Variants in PCDHGB3 observed in about 807,000 individuals in gnomAD.
PCDHGB3 encodes the protein protocadherin gamma-B3.
In PCDHGB3, 40 loss-of-function variants were observed where a neutral mutation model predicts 59.2. The observed-to-expected ratio is 0.68, with a 90% CI of 0.52 to 0.88. The LOEUF (loss-of-function observed/expected upper bound fraction) is 0.88, where lower values mean the gene tolerates loss of function less well. Among genes scored for constraint, PCDHGB3 ranks in the 40% least tolerant of loss-of-function variants. The pLI is 0.00. For missense variants in PCDHGB3, 1,309 were observed against 1,187.9 expected, an observed-to-expected ratio of 1.10 and a Z score of -1.50; for synonymous variants, 581 against 503.6, an observed-to-expected ratio of 1.15 and a Z score of -2.06.
At chr5:141,394,109 G>A (rs764779834) in intron 1 of PCDHGB3, 3 of 1,613,898 alleles carry the variant, frequency 1.9e-6, no homozygotes, top group East Asian at 4.5e-5. Flanking sequence ...CACCACCTCT[G>A]TCCACTGAAA....
At position 141,421,139 on chromosome 5, in the gene PCDHGB3, A is replaced by T. The variant is rs2096548615; in HGVS notation, c.2415+48330A>T. Reference sequence around the variant, plus strand: ...TCCTTCGCTTTCTGATATATTTTGGATGTAGTCGGCCTAGGACTTCATAGA... The same window carrying T: ...TCCTTCGCTTTCTGATATATTTTGGTTGTAGTCGGCCTAGGACTTCATAGA... On this transcript the variant is annotated intron_variant, in intron 1 of 3. Transcript: ENST00000576222. 5 of 913,574 alleles carry T rather than the reference A, an allele frequency of 5.5e-6. No individual in the cohort carries two copies. The South Asian group carries it at 8.8e-5, about 16-fold the overall frequency. 56.6% of individuals were successfully genotyped at this position (913,574 alleles called of 1,614,324 possible). A position where few individuals can be genotyped will look rare whatever the true frequency, so the allele number is the denominator to read the frequency against.
chr5:141,459,581 G>A (rs945690319), intron 1 of PCDHGB3, among the ~76,000 whole-genome samples: 1 of 152,138 alleles, frequency 6.6e-6, no homozygotes, highest in Non-Finnish European at 1.5e-5. Flanking sequence ...AATTGTTTTG[G>A]GGGTCATATG....
At chr5:141,475,218 A>G (rs2154572291) in intron 1 of PCDHGB3, among the ~76,000 whole-genome samples, 1 of 152,326 alleles carries the variant, frequency 6.6e-6, no homozygotes, top group African/African-American at 2.4e-5. Flanking sequence ...GGATTGATCA[A>G]GTAAAGGGAA....
intron 1 of PCDHGB3, chr5:141,412,049 T>C (rs2095532088): frequency 1.3e-5 from 2 of 152,256 alleles, no homozygotes; most frequent in Admixed American, 1.3e-4. Flanking sequence ...AGTGAACTTC[T>C]ATACCCTTTG....
At position 141,413,874 on chromosome 5, in the gene PCDHGB3, T is replaced by G. The variant is rs1371905896; in HGVS notation, c.2415+41065T>G. ...TCCGATCTGGCACTGTCCTTGTCAG[T>G]GTGACTGTCTTCGATGCAAATGACA... is the stretch of plus-strand genomic sequence containing the variant. On this transcript the variant is annotated intron_variant, in intron 1 of 3. Coordinates refer to ENST00000576222, the MANE Select transcript of PCDHGB3 (RefSeq NM_018924.5). 6 of 1,613,306 alleles carry G rather than the reference T, an allele frequency of 3.7e-6. No homozygotes were observed. In the African/African-American group the frequency reaches 8.0e-5, roughly 22 times the overall value.
chr5:141,373,773 T>C (rs1429903746), intron 1 of PCDHGB3: 1 of 264,200 alleles, frequency 3.8e-6, no homozygotes, highest in Non-Finnish European at 7.1e-6. Context: ...GTGTCATCTC[T>C]GCAGATTTAG....
At chr5:141,492,993 G>A (rs952802686) in intron 1 of PCDHGB3, among the ~76,000 whole-genome samples, 5 of 152,216 alleles carry the variant, frequency 3.3e-5, no homozygotes, top group African/African-American at 1.2e-4. Flanking sequence ...CTGGCAGATG[G>A]AAAGCTATAG....
intron 1 of PCDHGB3, among the ~76,000 whole-genome samples, chr5:141,430,064 A>T (rs1482609618): frequency 6.6e-6 from 1 of 152,190 alleles, no homozygotes; most frequent in Non-Finnish European, 1.5e-5. Flanking sequence ...TATCATTTTT[A>T]GGTTTCCATA....
chr5:141,384,557 T>C (rs2150262452), intron 1 of PCDHGB3: 2 of 1,614,252 alleles, frequency 1.2e-6, no homozygotes, highest in Middle Eastern at 3.3e-4. Flanking sequence ...CTGTTCGTGC[T>C]GGACCAGAAT....
rs763104309 is a variant in PCDHGB3, at chr5:141,432,042, G to A, written c.2415+59233G>A. 5 of 1,614,090 alleles carry A rather than the reference G, an allele frequency of 3.1e-6. No homozygotes were observed. The African/African-American group carries it at 6.7e-5, about 22-fold the overall frequency. ...ATCACAGTGACCGCCACTGACCGGG[G>A]AACCCCGCCCCTATCCACGGAAACT... On this transcript the variant is annotated intron_variant, in intron 1 of 3. Transcript: ENST00000576222. The surrounding 1 kb of genome is among the most constrained non-coding windows in gnomAD (Gnocchi z 6.0).
At chr5:141,381,029 T>C (rs976718384) in intron 1 of PCDHGB3, among the ~76,000 whole-genome samples, 4 of 152,266 alleles carry the variant, frequency 2.6e-5, no homozygotes, top group Admixed American at 6.5e-5. Context: ...TTAGTTCCTT[T>C]AAACAAAATT....
At chr5:141,430,935 T>G (rs748546768) in intron 1 of PCDHGB3, 1 of 1,607,814 alleles carries the variant, frequency 6.2e-7, no homozygotes. Context: ...CCCCGGGAGC[T>G]CGCGGAGCGC....
intron 1 of PCDHGB3, chr5:141,413,170 A>T (rs751830095): frequency 6.3e-7 from 1 of 1,595,602 alleles, no homozygotes; most frequent in South Asian, 1.1e-5. Context: ...CTGTAACCAG[A>T]CTACAATGGC....
intron 2 of PCDHGB3, among the ~76,000 whole-genome samples, chr5:141,501,290 T>TACACACACACACAC (rs55762287): frequency 7.3e-6 from 1 of 136,164 alleles, no homozygotes; most frequent in Non-Finnish European, 1.6e-5. Context: ...TATTCCCTTA[T>TACACACACACACAC]ACACACACAC....
chr5:141,465,251 A>T (rs1436627558), intron 1 of PCDHGB3, among the ~76,000 whole-genome samples: 1 of 152,214 alleles, frequency 6.6e-6, no homozygotes, highest in Non-Finnish European at 1.5e-5. Flanking sequence ...GCACTTTTGT[A>T]AGCAATGATA....
intron 1 of PCDHGB3, chr5:141,413,040 C>G: frequency 1.2e-6 from 1 of 840,546 alleles, no homozygotes; most frequent in Non-Finnish European, 1.8e-6. Flanking sequence ...GGCTGCTGGG[C>G]TGCAGGGAAG....
At chr5:141,510,627 G>C (rs2099881988) in intron 3 of PCDHGB3, among the ~76,000 whole-genome samples, 2 of 152,090 alleles carry the variant, frequency 1.3e-5, no homozygotes, top group South Asian at 2.1e-4. Context: ...AACCAGAAGA[G>C]GTGGTTACCA....
intron 1 of PCDHGB3, chr5:141,388,917 G>C: frequency 6.2e-7 from 1 of 1,614,026 alleles, no homozygotes. Flanking sequence ...CGCCCCAGAA[G>C]TGATATTCCA....
chr5:141,490,576 G>T lies in PCDHGB3; in HGVS notation c.2416-4231G>T. On this transcript the variant is annotated intron_variant, in intron 1 of 3. Transcript: ENST00000576222. The surrounding 1 kb of genome is among the most constrained non-coding windows in gnomAD (Gnocchi z 5.4). ...TCTCACCATCAGGCTCAACATTTCA[G>T]ATGTCAATGACAATGCACCCCGCTT... 2.5e-6 allele frequency: 4 copies of T among 1,614,134 alleles called. No homozygotes were observed. The highest frequency in any genetic ancestry group is 3.4e-6 in the Non-Finnish European group (4 of 1,180,030).
Sources: allele counts gnomAD v4.1 joint callset (sites outside exome capture counted in the v4.1 genomes callset), GRCh38; gene constraint gnomAD v4.1.1; non-coding constraint Gnocchi (gnomAD v3.1); transcripts MANE v1.5; gene names NCBI Gene and HGNC (gene_info 2026-07-23, HGNC 2026-07-21).